Variants in DPP10 observed in about 807,000 individuals in gnomAD.
DPP10 encodes the protein dipeptidyl peptidase like 10.
Under a neutral mutation model 120.9 loss-of-function variants are expected in DPP10, and 33 were observed. That is an observed-to-expected ratio of 0.27 (90% confidence interval 0.21 to 0.37). DPP10 has a LOEUF of 0.37. DPP10 is among the 10% of genes least tolerant of loss of function. The pLI is 1.00. For synonymous variants in DPP10, 337 were observed against 326.1 expected (o/e 1.03, Z -0.36); for missense variants, 816 against 942.8 (o/e 0.87, Z 1.76).
intron 5 of DPP10, among the ~76,000 whole-genome samples, chr2:115,609,949 T>C (rs1420348675): frequency 6.6e-6 from 1 of 152,160 alleles, no homozygotes; most frequent in East Asian, 1.9e-4. Flanking sequence ...AATTACAAAA[T>C]CAAGAAATGA....
intron 5 of DPP10, among the ~76,000 whole-genome samples, chr2:115,640,934 T>G (rs2086727786): frequency 6.6e-6 from 1 of 152,204 alleles, no homozygotes; most frequent in South Asian, 2.1e-4. Flanking sequence ...TAGCTATCTG[T>G]TCACCAGATA....
At chr2:115,255,988 G>C (rs528450831) in intron 1 of DPP10, among the ~76,000 whole-genome samples, 15 of 152,084 alleles carry the variant, frequency 9.9e-5, no homozygotes, top group Non-Finnish European at 1.9e-4. Flanking sequence ...CCGCTTCCAC[G>C]TTTTCGGGTC....
At chr2:115,159,759 G>C (rs2052169107) in intron 1 of DPP10, among the ~76,000 whole-genome samples, 1 of 152,010 alleles carries the variant, frequency 6.6e-6, no homozygotes. Flanking sequence ...CACAATACAT[G>C]AAACATATAA....
chr2:114,757,987 T>C (rs1679942302), intron 1 of DPP10, among the ~76,000 whole-genome samples: 1 of 152,178 alleles, frequency 6.6e-6, no homozygotes, highest in South Asian at 2.1e-4. Context: ...CGAAGTTGAA[T>C]AAGCTGGTCT....
intron 1 of DPP10, among the ~76,000 whole-genome samples, chr2:114,634,299 A>G (rs1018230754): frequency 2.2e-4 from 34 of 151,944 alleles, no homozygotes; most frequent in Admixed American, 2.0e-3. Flanking sequence ...TATAAAAAGT[A>G]TATTCAGAGA....
intron 1 of DPP10, among the ~76,000 whole-genome samples, chr2:114,768,852 A>G (rs1248254732): frequency 1.3e-5 from 2 of 152,184 alleles, no homozygotes; most frequent in Non-Finnish European, 2.9e-5. Context: ...CCATATTTTC[A>G]TATTCAGATA....
chr2:115,483,072 G>T (rs1018029631), intron 3 of DPP10, among the ~76,000 whole-genome samples: 1 of 151,954 alleles, frequency 6.6e-6, no homozygotes, highest in African/African-American at 2.4e-5. Flanking sequence ...CATTTTGATG[G>T]TTAATGGTAG....
intron 3 of DPP10, among the ~76,000 whole-genome samples, chr2:115,378,273 C>T (rs2065974829): frequency 6.6e-6 from 1 of 150,838 alleles, no homozygotes; most frequent in Non-Finnish European, 1.5e-5. Flanking sequence ...CTTCACATCC[C>T]TTGTAAGTTG....
chr2:115,667,380 G>A (rs1179879583), intron 5 of DPP10, among the ~76,000 whole-genome samples: 1 of 151,842 alleles, frequency 6.6e-6, no homozygotes, highest in East Asian at 1.9e-4. Flanking sequence ...TTTCATTTTT[G>A]TTGCAATTGC....
chr2:115,237,157 T>C (rs1218641552), intron 1 of DPP10, among the ~76,000 whole-genome samples: 2 of 152,126 alleles, frequency 1.3e-5, no homozygotes, highest in Admixed American at 6.5e-5. Context: ...AAATGAAAAA[T>C]TTTTGGCATC....
intron 1 of DPP10, among the ~76,000 whole-genome samples, chr2:114,524,687 A>G (rs1396851036): frequency 6.6e-6 from 1 of 152,178 alleles, no homozygotes; most frequent in Non-Finnish European, 1.5e-5. Flanking sequence ...CAGCAGAGGA[A>G]AGCTATAGGG....
chr2:114,750,185 AGT>A (rs1679067079), intron 1 of DPP10, among the ~76,000 whole-genome samples: 1 of 152,128 alleles, frequency 6.6e-6, no homozygotes, highest in Non-Finnish European at 1.5e-5. Context: ...ATGAAGGCAA[AGT>A]ATGTTGAAGG....
chr2:115,227,456 A>G (rs1471608419), intron 1 of DPP10, among the ~76,000 whole-genome samples: 2 of 152,156 alleles, frequency 1.3e-5, no homozygotes, highest in African/African-American at 2.4e-5. Context: ...ATTTGCATAC[A>G]GTGAAGTTCA....
chr2:114,576,251 A>G (rs1412343713), intron 1 of DPP10, among the ~76,000 whole-genome samples: 1 of 152,222 alleles, frequency 6.6e-6, no homozygotes, highest in Non-Finnish European at 1.5e-5. Flanking sequence ...GGATAATTAA[A>G]CATCCAGGGA....
At chr2:114,535,748 T>C (rs1383393327) in intron 1 of DPP10, among the ~76,000 whole-genome samples, 1 of 152,146 alleles carries the variant, frequency 6.6e-6, no homozygotes, top group Non-Finnish European at 1.5e-5. Flanking sequence ...TATGACCATG[T>C]CACTTTCTTT....
chr2:115,833,333 C>T (rs576720292), intron 21 of DPP10, among the ~76,000 whole-genome samples: 3 of 152,240 alleles, frequency 2.0e-5, no homozygotes, highest in African/African-American at 7.2e-5. Context: ...AGAAAAGTTG[C>T]ATGCATCAGC....
At chr2:115,474,233 C>T (rs1186820580) in intron 3 of DPP10, among the ~76,000 whole-genome samples, 1 of 152,076 alleles carries the variant, frequency 6.6e-6, no homozygotes, top group Non-Finnish European at 1.5e-5. Flanking sequence ...TCTCAAGGTT[C>T]AAGAGAAAAC....
intron 1 of DPP10, among the ~76,000 whole-genome samples, chr2:114,559,891 C>CAAAAAAAAAAA (rs60833358): frequency 5.8e-4 from 38 of 65,912 alleles, no homozygotes; most frequent in African/African-American, 6.8e-4. Context: ...AGAAAAAAAG[C>CAAAAAAAAAAA]AAAAAAAAAA....
chr2:114,752,149 T>G (rs1679291781), intron 1 of DPP10, among the ~76,000 whole-genome samples: 1 of 152,162 alleles, frequency 6.6e-6, no homozygotes, highest in African/African-American at 2.4e-5. Flanking sequence ...TGAGAACCAC[T>G]GCCTTAGCCT....
Sources: allele counts gnomAD v4.1 joint callset (sites outside exome capture counted in the v4.1 genomes callset), GRCh38; gene constraint gnomAD v4.1.1; transcripts MANE v1.5; gene names NCBI Gene and HGNC (gene_info 2026-07-23, HGNC 2026-07-21).